The following TENM2 variants were observed in gnomAD, a reference collection of about 807,000 sequenced individuals.
TENM2 encodes the protein teneurin-2.
A neutral mutation model predicts 245.2 loss-of-function variants in TENM2; 52 were observed. The observed-to-expected ratio is 0.21, with a 90% confidence interval of 0.17 to 0.27. The LOEUF (loss-of-function observed/expected upper bound fraction) is 0.27. Among genes scored for constraint, TENM2 ranks in the 10% least tolerant of loss-of-function variants. TENM2 has a pLI of 1.00. For missense variants in TENM2, 3,046 were observed against 3,666.8 expected (o/e 0.83, Z 4.37); for synonymous variants, 1,363 against 1,438.9 (o/e 0.95, Z 1.19).
At chr5:167,383,730 A>G (rs1394424930) in intron 2 of TENM2, among the ~76,000 whole-genome samples, 2 of 43,582 alleles carry the variant, frequency 4.6e-5, no homozygotes, top group Non-Finnish European at 7.8e-5. Context: ...GTGCAGGATA[A>G]AAAAAAAAAA....
At chr5:167,241,314 A>C in the TENM2 span, among the ~76,000 whole-genome samples, 1 of 152,226 alleles carries the variant, frequency 6.6e-6, no homozygotes, top group African/African-American at 2.4e-5. Context: ...CCTTACAAAC[A>C]CTAAACAAAC....
intron 2 of TENM2, among the ~76,000 whole-genome samples, chr5:167,571,417 G>A (rs1774257956): frequency 6.6e-6 from 1 of 152,122 alleles, no homozygotes; most frequent in Non-Finnish European, 1.5e-5. Flanking sequence ...TGAATGTAAA[G>A]CTCTCCCACA....
intron 2 of TENM2, among the ~76,000 whole-genome samples, chr5:167,829,249 A>G (rs1042473653): frequency 6.6e-5 from 10 of 152,258 alleles, no homozygotes; most frequent in African/African-American, 2.4e-4. Context: ...GAGGTCCCAG[A>G]GCTGCATATC....
intron 3 of TENM2, among the ~76,000 whole-genome samples, chr5:167,943,251 C>T (rs1317395014): frequency 6.6e-6 from 1 of 152,166 alleles, no homozygotes; most frequent in African/African-American, 2.4e-5. Context: ...TGGTATGCTT[C>T]GGCCACTCTT....
At chr5:167,589,934 G>T (rs896683206) in intron 2 of TENM2, among the ~76,000 whole-genome samples, 3 of 151,528 alleles carry the variant, frequency 2.0e-5, no homozygotes, top group Non-Finnish European at 4.4e-5. Context: ...AAATTATTTT[G>T]AAATGCTACC....
At chr5:168,126,907 G>T in exon 12 of TENM2, 1 of 1,608,514 alleles carries the variant, frequency 6.2e-7, no homozygotes, top group Non-Finnish European at 8.5e-7. Flanking sequence ...TGTGAATGCC[G>T]AGAGGGCTGG....
At chr5:167,992,872 T>C (rs1783772353) in intron 4 of TENM2, 72 bp from the exon 7 acceptor site, 2 of 1,206,786 alleles carry the variant, frequency 1.7e-6, no homozygotes, top group Admixed American at 1.7e-5. Context: ...TAGAGCAGAG[T>C]GGAAGAAAAA....
At chr5:167,426,559 A>AAAAG (rs1399180765) in intron 2 of TENM2, among the ~76,000 whole-genome samples, 1 of 151,898 alleles carries the variant, frequency 6.6e-6, no homozygotes, top group African/African-American at 2.4e-5. Flanking sequence ...AAAAAAAAAA[A>AAAAG]AAAAAAATTC....
chr5:167,193,820 T>C, the TENM2 span, among the ~76,000 whole-genome samples: 5 of 152,070 alleles, frequency 3.3e-5, no homozygotes, highest in Non-Finnish European at 7.4e-5. Context: ...GTGCTCTTCA[T>C]GGAGCTTCAC....
chr5:167,109,784 A>G, the TENM2 span, among the ~76,000 whole-genome samples: 6 of 152,186 alleles, frequency 3.9e-5, no homozygotes, highest in African/African-American at 7.2e-5. Context: ...TGGTACCAGA[A>G]TTTCTCCAAT....
chr5:167,627,251 G>A (rs1265364686), intron 2 of TENM2, among the ~76,000 whole-genome samples: 3 of 152,074 alleles, frequency 2.0e-5, no homozygotes, highest in East Asian at 1.9e-4. Context: ...AAGAGATAAG[G>A]CAACACACTA....
At chr5:167,991,822 G>GTGTAGA (rs1783691009) in intron 4 of TENM2, among the ~76,000 whole-genome samples, 1 of 152,150 alleles carries the variant, frequency 6.6e-6, no homozygotes, top group Non-Finnish European at 1.5e-5. Flanking sequence ...GACAGTGTAG[G>GTGTAGA]GTAAAATGTC....
chr5:167,904,723 G>A (rs1775957037), intron 3 of TENM2, among the ~76,000 whole-genome samples: 1 of 151,956 alleles, frequency 6.6e-6, no homozygotes. Context: ...AAAGCCCAAT[G>A]TATAAAACAT....
intron 2 of TENM2, among the ~76,000 whole-genome samples, chr5:167,546,912 C>T (rs1472589834): frequency 6.6e-6 from 1 of 152,158 alleles, no homozygotes; most frequent in Non-Finnish European, 1.5e-5. Flanking sequence ...GCCTCCTCTC[C>T]TGGGCACTCT....
intron 7 of TENM2, among the ~76,000 whole-genome samples, chr5:168,078,611 G>A (rs1331693142): frequency 6.6e-6 from 1 of 152,132 alleles, no homozygotes; most frequent in African/African-American, 2.4e-5. Flanking sequence ...TTTTTATAAG[G>A]TGTAAGGAAG....
At chr5:167,923,064 C>A (rs1280482700) in intron 3 of TENM2, among the ~76,000 whole-genome samples, 1 of 152,232 alleles carries the variant, frequency 6.6e-6, no homozygotes, top group Non-Finnish European at 1.5e-5. Flanking sequence ...TGGCTCATGT[C>A]TGTAATCCCA....
chr5:167,494,697 G>A (rs983986160), intron 2 of TENM2, among the ~76,000 whole-genome samples: 1 of 152,096 alleles, frequency 6.6e-6, no homozygotes, highest in Non-Finnish European at 1.5e-5. Flanking sequence ...AGAAATAGCT[G>A]TAAATGTGTT....
chr5:167,460,872 A>G (rs1237509137), intron 2 of TENM2, among the ~76,000 whole-genome samples: 1 of 152,272 alleles, frequency 6.6e-6, no homozygotes, highest in Non-Finnish European at 1.5e-5. Context: ...TCACTTAAGG[A>G]TTGTATGATT....
chr5:167,059,047 A>G, the TENM2 span, among the ~76,000 whole-genome samples: 1 of 152,164 alleles, frequency 6.6e-6, no homozygotes, highest in Admixed American at 6.5e-5. Flanking sequence ...GAACCATGAA[A>G]ATATTACTGA....
Sources: gnomAD v4.1 joint callset for allele counts (sites outside exome capture counted in the v4.1 genomes callset) on GRCh38, gnomAD v4.1.1 for gene constraint, MANE v1.5 for transcripts, NCBI Gene and HGNC (gene_info 2026-07-23, HGNC 2026-07-21) for gene names.